ADK: variants seen among roughly 807,000 people sequenced by gnomAD.
The protein encoded by ADK is N6,N6-dimethyladenosine kinase.
In ADK, 24 loss-of-function variants were observed where a neutral mutation model predicts 44.7. That is an observed-to-expected ratio of 0.54 (90% CI 0.39 to 0.76). The LOEUF (loss-of-function observed/expected upper bound fraction) is 0.76, where lower values mean the gene tolerates loss of function less well. Among genes scored for constraint, ADK ranks in the 30% least tolerant of loss-of-function variants. The pLI is 0.00. For missense variants in ADK, 321 were observed against 425.1 expected, an observed-to-expected ratio of 0.76 and a Z score of 2.15; for synonymous variants, 128 against 142.6, an observed-to-expected ratio of 0.90 and a Z score of 0.73.
chr10:74,511,401 T>G, intron 6 of ADK, among the ~76,000 whole-genome samples: 1 of 152,184 alleles, frequency 6.6e-6, no homozygotes, highest in South Asian at 2.1e-4. Flanking sequence ...GTGAAAAGTG[T>G]CATTGGTAGT....
chr10:74,594,930 C>A (rs1347858577), intron 8 of ADK, among the ~76,000 whole-genome samples: 1 of 152,074 alleles, frequency 6.6e-6, no homozygotes. Context: ...AATCCCAGCA[C>A]TTTGGGAGGC....
chr10:74,375,849 AATACCTTT>A (rs1306707333), intron 4 of ADK, among the ~76,000 whole-genome samples: 6 of 152,216 alleles, frequency 3.9e-5, no homozygotes, highest in Admixed American at 1.3e-4. Context: ...TGAATTTTCT[AATACCTTT>A]ATGGGTTCTG....
At chr10:74,629,366 C>T (rs1853331678) in intron 9 of ADK, among the ~76,000 whole-genome samples, 1 of 152,022 alleles carries the variant, frequency 6.6e-6, no homozygotes, top group Non-Finnish European at 1.5e-5. Context: ...AACTGTTACC[C>T]CAACTGTATA....
chr10:74,674,812 G>A (rs2134211375), intron 10 of ADK, among the ~76,000 whole-genome samples: 1 of 152,276 alleles, frequency 6.6e-6, no homozygotes, highest in East Asian at 1.9e-4. Context: ...AACCCAGGAG[G>A]CAGAGGTTGC....
intron 4 of ADK, among the ~76,000 whole-genome samples, chr10:74,388,257 T>G (rs778160638): frequency 4.6e-5 from 7 of 152,244 alleles, no homozygotes; most frequent in Non-Finnish European, 1.0e-4. Context: ...TCATAGGTTA[T>G]GTTATCCACA....
intron 9 of ADK, among the ~76,000 whole-genome samples, chr10:74,618,740 C>T (rs924938062): frequency 2.0e-5 from 3 of 152,134 alleles, no homozygotes; most frequent in East Asian, 3.9e-4. Context: ...TCAGCTGTTA[C>T]TCTTATTCTG....
At chr10:74,273,838 A>G (rs536538576) in intron 3 of ADK, among the ~76,000 whole-genome samples, 1 of 152,306 alleles carries the variant, frequency 6.6e-6, no homozygotes, top group Non-Finnish European at 1.5e-5. Flanking sequence ...ATTTTCAGAG[A>G]ATCCAGCTTG....
rs568800400 is a variant in ADK, at chr10:74,517,955, C to T, written c.556-7301C>T. Among the ~76,000 whole-genome samples, 33 of 152,084 alleles carry T rather than the reference C, an allele frequency of 2.2e-4. 1 individual carries two copies. In the South Asian group the frequency reaches 6.0e-3, roughly 28 times the overall value. On this transcript the variant is annotated intron_variant, in intron 6 of 10. Coordinates refer to ENST00000539909, the MANE Select transcript of ADK (RefSeq NM_006721.4). ...TAAATGATTTATACATTATCTTAATCGTTGTCAGGGCCAACGTTTTTCTTA... is the reference window on the plus strand; with the variant it reads ...TAAATGATTTATACATTATCTTAATTGTTGTCAGGGCCAACGTTTTTCTTA...
intron 7 of ADK, among the ~76,000 whole-genome samples, chr10:74,536,354 A>G (rs1849447701): frequency 6.6e-6 from 1 of 152,064 alleles, no homozygotes; most frequent in Admixed American, 6.6e-5. Flanking sequence ...ATACCTGAAA[A>G]TATTTGGTTA....
At chr10:74,386,383 G>T (rs2132021679) in intron 4 of ADK, among the ~76,000 whole-genome samples, 1 of 152,124 alleles carries the variant, frequency 6.6e-6, no homozygotes, top group African/African-American at 2.4e-5. Flanking sequence ...ACTGCCTCTT[G>T]GGCATCATTG....
At chr10:74,541,898 C>T (rs1849654584) in intron 7 of ADK, among the ~76,000 whole-genome samples, 1 of 146,678 alleles carries the variant, frequency 6.8e-6, no homozygotes, top group Non-Finnish European at 1.5e-5. Context: ...GTAATACTAA[C>T]TTTGATCACA....
intron 4 of ADK, among the ~76,000 whole-genome samples, chr10:74,340,986 C>T (rs370526733): frequency 1.1e-3 from 162 of 152,214 alleles, no homozygotes; most frequent in Middle Eastern, 3.4e-3. Context: ...TCAATATTAA[C>T]TCTATTCATT....
chr10:74,222,549 G>T (rs1047289672), intron 2 of ADK, among the ~76,000 whole-genome samples: 1 of 152,114 alleles, frequency 6.6e-6, no homozygotes, highest in Non-Finnish European at 1.5e-5. Context: ...CTGCTATAAA[G>T]ACACATGCAC....
intron 3 of ADK, among the ~76,000 whole-genome samples, chr10:74,226,292 A>G (rs1165391879): frequency 1.3e-5 from 2 of 152,090 alleles, no homozygotes; most frequent in Admixed American, 1.3e-4. Flanking sequence ...ATTTTAGTAG[A>G]GATGGGGTTT....
intron 9 of ADK, 125 bp from the exon 10 acceptor site, chr10:74,670,058 A>G: frequency 1.3e-6 from 1 of 790,170 alleles, no homozygotes; most frequent in Middle Eastern, 2.2e-4. Flanking sequence ...TGTACAGAAT[A>G]TGGAGCTTAT....
At chr10:74,246,122 G>T (rs553843430) in intron 3 of ADK, among the ~76,000 whole-genome samples, 24 of 152,130 alleles carry the variant, frequency 1.6e-4, no homozygotes, top group Admixed American at 5.2e-4. Context: ...TTGTGGGAGG[G>T]GGGGGTCAGG....
chr10:74,241,116 AAG>A (rs1163049906), intron 3 of ADK, among the ~76,000 whole-genome samples: 5 of 152,234 alleles, frequency 3.3e-5, no homozygotes, highest in African/African-American at 1.2e-4. Flanking sequence ...AGCAGAATAA[AAG>A]AAGCCATTAT....
chr10:74,365,286 C>G (rs997699410), intron 4 of ADK, among the ~76,000 whole-genome samples: 3 of 152,190 alleles, frequency 2.0e-5, no homozygotes, highest in Non-Finnish European at 4.4e-5. Context: ...GTCATTCTCC[C>G]CTCCAGCTAG....
At chr10:74,297,452 A>T (rs1284370639) in intron 3 of ADK, among the ~76,000 whole-genome samples, 1 of 152,242 alleles carries the variant, frequency 6.6e-6, no homozygotes, top group Non-Finnish European at 1.5e-5. Context: ...TTAACACTAA[A>T]TATTTGTTTT....
Sources: allele counts gnomAD v4.1 joint callset (sites outside exome capture counted in the v4.1 genomes callset), GRCh38; gene constraint gnomAD v4.1.1; transcripts MANE v1.5; gene names NCBI Gene and HGNC (gene_info 2026-07-23, HGNC 2026-07-21).